TRPC4: variants seen among roughly 807,000 people sequenced by gnomAD.
TRPC4 encodes the protein short transient receptor potential channel 4.
Under a neutral mutation model 99.4 loss-of-function variants are expected in TRPC4, and 49 were observed. That is an observed-to-expected ratio of 0.49 (90% CI 0.39 to 0.63). The LOEUF is 0.63. Ranked by LOEUF, TRPC4 falls within the 20% of genes least tolerant of loss-of-function variation. TRPC4 has a pLI of 0.00. For synonymous variants in TRPC4, 454 were observed against 425.9 expected (o/e 1.07, Z -0.81); for missense variants, 898 against 1,152.9 (o/e 0.78, Z 3.20).
intron 8 of TRPC4, among the ~76,000 whole-genome samples, chr13:37,644,054 C>T (rs9547992): frequency 0.21 from 32,037 of 151,950 alleles, 3,675 homozygotes; most frequent in Non-Finnish European, 0.25. Flanking sequence ...GGACTTCAAC[C>T]TATCTTTTTT....
chr13:37,846,879 C>T (rs969294798), intron 1 of TRPC4, among the ~76,000 whole-genome samples: 3 of 151,724 alleles, frequency 2.0e-5, no homozygotes, highest in African/African-American at 7.3e-5. Context: ...AAGTATTTCC[C>T]ACAAATGGAA....
chr13:37,798,411 T>C (rs1957310585), intron 1 of TRPC4, among the ~76,000 whole-genome samples: 1 of 152,194 alleles, frequency 6.6e-6, no homozygotes, highest in Non-Finnish European at 1.5e-5. Flanking sequence ...AAATGGTTTA[T>C]TAACTTCATA....
intron 2 of TRPC4, among the ~76,000 whole-genome samples, chr13:37,778,517 C>T (rs1194225393): frequency 1.3e-5 from 2 of 152,024 alleles, no homozygotes; most frequent in African/African-American, 4.8e-5. Flanking sequence ...TAGGTCTTTT[C>T]AGTCTGGCCA....
At chr13:37,667,206 GTT>G (rs1952675071) in intron 5 of TRPC4, among the ~76,000 whole-genome samples, 1 of 152,092 alleles carries the variant, frequency 6.6e-6, no homozygotes, top group Admixed American at 6.6e-5. Context: ...TACCCTCACT[GTT>G]TTAAAATAGT....
chr13:37,692,446 A>T, intron 3 of TRPC4, 111 bp from the exon 4 acceptor site: 1 of 982,478 alleles, frequency 1.0e-6, no homozygotes, highest in Non-Finnish European at 1.5e-6. Context: ...TCTGTTTCAC[A>T]TAATTTTACA....
chr13:37,665,867 A>G (rs146644594), intron 5 of TRPC4, among the ~76,000 whole-genome samples: 4,170 of 150,400 alleles, frequency 0.028, 99 homozygotes, highest in Non-Finnish European at 0.049. Context: ...AAAAAAATAC[A>G]TAAGAGGAAG....
At chr13:37,658,218 A>G (rs1468499709) in intron 6 of TRPC4, among the ~76,000 whole-genome samples, 1 of 152,170 alleles carries the variant, frequency 6.6e-6, no homozygotes, top group African/African-American at 2.4e-5. Flanking sequence ...CTCCAAGATA[A>G]TGCTACAATT....
intron 3 of TRPC4, among the ~76,000 whole-genome samples, chr13:37,699,932 A>G (rs1229370507): frequency 7.2e-6 from 1 of 138,120 alleles, no homozygotes; most frequent in African/African-American, 2.8e-5. Flanking sequence ...TGAAAATGAG[A>G]AAGGCAAAGG....
At chr13:37,647,286 C>T (rs1363292383) in intron 8 of TRPC4, among the ~76,000 whole-genome samples, 2 of 152,144 alleles carry the variant, frequency 1.3e-5, no homozygotes, top group African/African-American at 4.8e-5. Flanking sequence ...CAGAAAAATA[C>T]TTCAAAGAAT....
intron 2 of TRPC4, among the ~76,000 whole-genome samples, chr13:37,764,285 C>G (rs914862): frequency 0.31 from 46,430 of 151,136 alleles, 8,383 homozygotes; most frequent in East Asian, 0.76. Context: ...GAAATACTCT[C>G]TTTTTATAAG....
intron 2 of TRPC4, among the ~76,000 whole-genome samples, chr13:37,761,112 A>G (rs1456283950): frequency 6.6e-6 from 1 of 151,948 alleles, no homozygotes; most frequent in African/African-American, 2.4e-5. Flanking sequence ...AACTACTTCA[A>G]TTAATTGATG....
At chr13:37,808,977 T>C (rs1378965521) in intron 1 of TRPC4, among the ~76,000 whole-genome samples, 4 of 152,132 alleles carry the variant, frequency 2.6e-5, no homozygotes, top group Non-Finnish European at 5.9e-5. Context: ...TCATTCAGTT[T>C]TTCTTTCAAA....
intron 1 of TRPC4, among the ~76,000 whole-genome samples, chr13:37,790,959 A>T (rs1957102779): frequency 6.6e-6 from 1 of 152,074 alleles, no homozygotes; most frequent in Non-Finnish European, 1.5e-5. Context: ...AAAATAGGGA[A>T]GAAAAAACAG....
At chr13:37,820,334 G>C (rs1414909597) in intron 1 of TRPC4, among the ~76,000 whole-genome samples, 1 of 151,982 alleles carries the variant, frequency 6.6e-6, no homozygotes, top group African/African-American at 2.4e-5. Context: ...TCTAGGATAT[G>C]ATGAATTCAC....
intron 3 of TRPC4, among the ~76,000 whole-genome samples, chr13:37,697,063 CAT>C (rs1953927250): frequency 6.6e-6 from 1 of 152,028 alleles, no homozygotes; most frequent in African/African-American, 2.4e-5. Context: ...CCCCTCTGAG[CAT>C]AGTCATATCA....
intron 1 of TRPC4, among the ~76,000 whole-genome samples, chr13:37,809,129 A>C (rs777172116): frequency 6.6e-6 from 1 of 152,118 alleles, no homozygotes; most frequent in African/African-American, 2.4e-5. Context: ...CTCAAACTCT[A>C]AGTGGTAAAC....
Position 37,636,825 on chromosome 13 carries a change from A to G in TRPC4, c.*78T>C. The G allele has an allele frequency of 6.6e-7, 1 of 1,513,590 alleles. No individual in the cohort carries two copies. The highest frequency in any genetic ancestry group is 1.3e-5 in the South Asian group (1 of 74,356). The allele number at this position is 1,513,590 out of a possible 1,614,324, so 93.8% of individuals were successfully genotyped here. ...AAAGTGTAAGTTAGCATTTGCTAAT[A>G]CAATTTAAACATTTTCCCCCACCCA... is the stretch of plus-strand genomic sequence containing the variant. On this transcript the variant is annotated 3_prime_UTR_variant, in exon 11 of 11. Transcript: ENST00000379705.
chr13:37,665,284 C>A (rs1030212073), intron 5 of TRPC4, among the ~76,000 whole-genome samples: 6 of 152,160 alleles, frequency 3.9e-5, no homozygotes, highest in Non-Finnish European at 8.8e-5. Context: ...ATAGCTAATT[C>A]TATCAGCGAT....
Position 37,637,255 on chromosome 13 carries a change from G to A in TRPC4, c.2582C>T (p.Ala861Val). Residue 861 changes from alanine to valine, a missense_variant, in exon 11 of 11, where the codon GCA becomes GTA. By Grantham distance (64) the Ala-to-Val change is moderately conservative. Coordinates refer to ENST00000379705, the MANE Select transcript of TRPC4 (RefSeq NM_016179.4). The stretch of plus-strand genomic sequence containing the variant: ...TTCTGAAACAGAGAAGATTTGGTTT[G>A]CATTTTGCTCAGCAGCATTTTGTTT... ...RSKQNAAEQN[A>V]NQIFSVSEEV... 6.2e-7 allele frequency: 1 copy of A among 1,613,886 alleles called. No individual in the cohort carries two copies. The highest frequency in any genetic ancestry group is 1.3e-5 in the African/African-American group (1 of 75,028).
Sources: allele counts gnomAD v4.1 joint callset (sites outside exome capture counted in the v4.1 genomes callset), GRCh38; gene constraint gnomAD v4.1.1; transcripts MANE v1.5; gene names NCBI Gene and HGNC (gene_info 2026-07-23, HGNC 2026-07-21).